The following CPVL variants were observed in gnomAD, a reference collection of about 807,000 sequenced individuals.
CPVL encodes carboxypeptidase vitellogenic like, also known as probable serine carboxypeptidase CPVL.
CPVL carries 51 observed loss-of-function variants against 63.7 expected under a neutral mutation model. The ratio of observed to expected loss-of-function variants is 0.80; its 90% CI spans 0.64 to 1.01. CPVL has a LOEUF of 1.01. CPVL is among the 50% of genes least tolerant of loss of function. The pLI, the probability that CPVL is intolerant of heterozygous loss-of-function variation, is 0.00. For missense variants in CPVL, 530 were observed against 573.1 expected, an observed-to-expected ratio of 0.92 and a Z score of 0.77; for synonymous variants, 195 against 206.0, an observed-to-expected ratio of 0.95 and a Z score of 0.46.
At chr7:29,103,907 A>G (rs1787458065) in intron 3 of CPVL, among the ~76,000 whole-genome samples, 1 of 152,188 alleles carries the variant, frequency 6.6e-6, no homozygotes, top group Non-Finnish European at 1.5e-5. Flanking sequence ...AATTGAAGTC[A>G]TTAGTACCCC....
intron 1 of CPVL, among the ~76,000 whole-genome samples, chr7:29,140,849 T>C (rs1304930017): frequency 6.6e-6 from 1 of 152,064 alleles, no homozygotes; most frequent in Non-Finnish European, 1.5e-5. Context: ...GTAAAACAAA[T>C]GCATAAGTGA....
intron 7 of CPVL, 141 bp downstream of exon 7, chr7:29,086,343 T>G (rs1373601620): frequency 1.9e-6 from 1 of 517,610 alleles, no homozygotes; most frequent in Non-Finnish European, 3.5e-6. Context: ...TGGGAGAATT[T>G]TGAATAAAGG....
chr7:29,194,765 C>T, intron 1 of CPVL: 1 of 473,032 alleles, frequency 2.1e-6, no homozygotes, highest in Non-Finnish European at 3.5e-6. Flanking sequence ...GCGGCGGCAG[C>T]GCGTCATCTG....
At chr7:29,161,651 T>C (rs1795193146) in intron 5 of CPVL, among the ~76,000 whole-genome samples, 1 of 152,216 alleles carries the variant, frequency 6.6e-6, no homozygotes, top group Admixed American at 6.5e-5. Flanking sequence ...TTCACTGAAT[T>C]TTTAATTTAA....
chr7:29,068,171 A>G (rs1783326014), intron 9 of CPVL, among the ~76,000 whole-genome samples: 3 of 150,600 alleles, frequency 2.0e-5, no homozygotes, highest in African/African-American at 2.4e-5. Flanking sequence ...CGCCCAGCTA[A>G]TTTTTTTTTG....
At chr7:29,021,146 T>C (rs1786928258) in intron 12 of CPVL, among the ~76,000 whole-genome samples, 2 of 150,272 alleles carry the variant, frequency 1.3e-5, no homozygotes, top group South Asian at 4.2e-4. Flanking sequence ...GCAGACAGAG[T>C]GGGATTCTGT....
intron 1 of CPVL, among the ~76,000 whole-genome samples, chr7:29,137,757 A>G (rs1474699556): frequency 6.6e-6 from 1 of 152,226 alleles, no homozygotes; most frequent in African/African-American, 2.4e-5. Flanking sequence ...CTTAACGCCT[A>G]TATCACTATT....
intron 11 of CPVL, among the ~76,000 whole-genome samples, chr7:29,036,756 C>T (rs1215131280): frequency 6.6e-6 from 1 of 152,164 alleles, no homozygotes; most frequent in Non-Finnish European, 1.5e-5. Context: ...AAGACTATGG[C>T]TTTTAAAAGG....
At chr7:29,135,676 GTTAT>G (rs943897423) in intron 1 of CPVL, among the ~76,000 whole-genome samples, 3 of 151,894 alleles carry the variant, frequency 2.0e-5, no homozygotes, top group Admixed American at 6.6e-5. Flanking sequence ...ATACATAAGA[GTTAT>G]TTATTTATTT....
At chr7:29,137,888 C>T (rs992047267) in intron 1 of CPVL, among the ~76,000 whole-genome samples, 2 of 152,126 alleles carry the variant, frequency 1.3e-5, no homozygotes, top group Non-Finnish European at 2.9e-5. Context: ...CTAGAGAAGT[C>T]AGTAGAGAGC....
rs1378061207 is a variant in CPVL, at chr7:29,160,501, T to A, written c.-11+20789A>T. Among the ~76,000 whole-genome samples, 34 of 152,152 alleles carry A rather than the reference T, an allele frequency of 2.2e-4. 1 individual carries two copies. The highest frequency in any genetic ancestry group is 2.9e-5 in the Non-Finnish European group (2 of 68,022). The stretch of plus-strand genomic sequence containing the variant: ...TACCCCTTTTCCCTTTGCCACTGAG[T>A]GGTCTACAAGTGGGTGTGTAATCCA... On this transcript the variant is annotated intron_variant, in intron 5 of 16. Coordinates refer to the CPVL transcript ENST00000409850.
chr7:29,125,083 T>C (rs1207011379), intron 1 of CPVL: 1 of 152,176 alleles, frequency 6.6e-6, no homozygotes, highest in Non-Finnish European at 1.5e-5. Flanking sequence ...AGGCTCTGCA[T>C]AAATGTGAGA....
At chr7:29,153,429 C>T (rs1027191248) in intron 5 of CPVL, among the ~76,000 whole-genome samples, 18 of 152,188 alleles carry the variant, frequency 1.2e-4, no homozygotes, top group Admixed American at 2.6e-4. Context: ...TCTGGTTTTG[C>T]CACCCCTGAG....
chr7:29,099,230 G>A (rs867616540), intron 3 of CPVL, among the ~76,000 whole-genome samples: 2 of 150,116 alleles, frequency 1.3e-5, no homozygotes, highest in Non-Finnish European at 2.9e-5. Flanking sequence ...AGATAATCAC[G>A]AGGAATTTGT....
chr7:28,994,753 A>ACTC (rs1783924408), downstream of CPVL, among the ~76,000 whole-genome samples: 1 of 152,142 alleles, frequency 6.6e-6, no homozygotes, highest in South Asian at 2.1e-4. Flanking sequence ...AAAAGAATAA[A>ACTC]CTCCATAAAC....
At chr7:29,116,047 C>G (rs1788747731) in intron 2 of CPVL, among the ~76,000 whole-genome samples, 1 of 152,160 alleles carries the variant, frequency 6.6e-6, no homozygotes, top group Admixed American at 6.5e-5. Context: ...TACCTTGGGA[C>G]TCGGCATGCT....
intron 6 of CPVL, among the ~76,000 whole-genome samples, chr7:29,086,822 C>T (rs1382799130): frequency 6.6e-6 from 1 of 152,112 alleles, no homozygotes; most frequent in East Asian, 1.9e-4. Flanking sequence ...CTGTTGAGGG[C>T]ACCTTGAGCA....
At chr7:29,027,876 T>A (rs1787652528) in intron 12 of CPVL, among the ~76,000 whole-genome samples, 1 of 151,980 alleles carries the variant, frequency 6.6e-6, no homozygotes, top group Non-Finnish European at 1.5e-5. Flanking sequence ...ATTGGAAAAA[T>A]TAATATTGTT....
upstream of CPVL, among the ~76,000 whole-genome samples, chr7:29,149,604 G>A (rs908263484): frequency 5.3e-5 from 8 of 152,184 alleles, no homozygotes; most frequent in Non-Finnish European, 1.0e-4. Flanking sequence ...TAACTGAGCA[G>A]CTATTAACAG....
Sources: gnomAD v4.1 joint callset for allele counts (sites outside exome capture counted in the v4.1 genomes callset) on GRCh38, gnomAD v4.1.1 for gene constraint, MANE v1.5 for transcripts, NCBI Gene and HGNC (gene_info 2026-07-23, HGNC 2026-07-21) for gene names.